The following HENMT1 variants were observed in gnomAD, a reference collection of about 807,000 sequenced individuals.
HENMT1 encodes HEN methyltransferase 1.
HENMT1 carries 27 observed loss-of-function variants against 31.1 expected under a neutral mutation model. That is an observed-to-expected ratio of 0.87 (90% CI 0.64 to 1.20). The LOEUF is 1.20. Among genes scored for constraint, HENMT1 ranks in the 50% most tolerant of loss-of-function variants. HENMT1 has a pLI of 0.00. For missense variants in HENMT1, 438 were observed against 469.6 expected (o/e 0.93, Z 0.62); for synonymous variants, 167 against 172.2 (o/e 0.97, Z 0.24).
rs1658015363 is a variant in HENMT1, at chr1:108,650,383, A to G, written c.584T>C (p.Leu195Ser). 3.7e-6 allele frequency: 6 copies of G among 1,609,566 alleles called. No individual in the cohort carries two copies. The East Asian group carries it at 1.3e-4, about 36-fold the overall frequency. ...GTAATCATAGCGATTTGCCACATAT[A>G]AAGCCCTGAAACCAAAACGAGGACA... ...WTRMEFQTWA[L>S]YVANRYDYSV... Residue 195 changes from leucine (L) to serine (S), a missense_variant, in exon 7 of 8, where the codon TTA (leucine) becomes TCA (serine). Physicochemically the swap from Leu to Ser is moderately radical, Grantham distance 145. Transcript: ENST00000651461.
At chr1:108,653,498 G>GT (rs1420991266) in intron 5 of HENMT1, among the ~76,000 whole-genome samples, 1 of 152,152 alleles carries the variant, frequency 6.6e-6, no homozygotes, top group Non-Finnish European at 1.5e-5. Context: ...TCTATTTTCA[G>GT]TTTTTTGAAA....
In HENMT1 at chr1:108,657,562, G is replaced by A. The variant is rs3203746; in HGVS notation, c.39C>T (p.Asp13=). The stretch of plus-strand genomic sequence containing the variant: ...CCCTGGGAACTTCTTCAAAATTACC[G>A]TCAACCACACTACTGCACTGAAGTT... ...ENNLQCSSVV[D]GNFEEVPRET... The change falls in exon 3 of 8, where the codon GAC becomes GAT. Residue 13 remains aspartate, a synonymous_variant. Coordinates refer to ENST00000651461, the MANE Select transcript of HENMT1 (RefSeq NM_001102592.2). 41 of 1,612,662 alleles carry A rather than the reference G, an allele frequency of 2.5e-5. No individual in the cohort carries two copies. The highest frequency in any genetic ancestry group is 2.2e-4 in the Admixed American group (13 of 59,900).
chr1:108,658,595 G>A (rs535033585), intron 2 of HENMT1, among the ~76,000 whole-genome samples: 13 of 152,310 alleles, frequency 8.5e-5, no homozygotes, highest in African/African-American at 3.1e-4. Flanking sequence ...CCAAACTTCA[G>A]TCAGGTTCCT....
intron 7 of HENMT1, 106 bp from the exon 8 acceptor site, chr1:108,649,097 T>C: frequency 1.2e-6 from 1 of 829,284 alleles, no homozygotes; most frequent in Non-Finnish European, 1.8e-6. Flanking sequence ...AATGTACATA[T>C]TGAATATATG....
intron 6 of HENMT1, 125 bp downstream of exon 6, chr1:108,650,905 T>C (rs140829367): frequency 9.1e-5 from 63 of 691,638 alleles, no homozygotes; most frequent in African/African-American, 4.7e-4. Flanking sequence ...AAGTCACACA[T>C]TGGAATCAAT....
intron 3 of HENMT1, 36 bp downstream of exon 3, chr1:108,657,415 C>G: frequency 6.6e-7 from 1 of 1,515,460 alleles, no homozygotes; most frequent in Non-Finnish European, 9.1e-7. Flanking sequence ...GTCTACTAGT[C>G]TTAATAATTA....
chr1:108,657,990 T>C (rs957580766), intron 2 of HENMT1, among the ~76,000 whole-genome samples: 84 of 140,122 alleles, frequency 6.0e-4, no homozygotes, highest in Non-Finnish European at 8.5e-4. Flanking sequence ...CACACATATA[T>C]ATACACACAC....
chr1:108,654,632 A>G (rs1658158001), intron 5 of HENMT1, 84 bp downstream of exon 5: 1 of 1,345,864 alleles, frequency 7.4e-7, no homozygotes, highest in African/African-American at 1.5e-5. Context: ...ATCAAGACCT[A>G]TTATATTTAG....
At chr1:108,657,629 A>C (rs899044713) in intron 2 of HENMT1, 50 bp from the exon 3 acceptor site, 2 of 1,562,182 alleles carry the variant, frequency 1.3e-6, no homozygotes, top group African/African-American at 2.8e-5. Context: ...GCATGACTTC[A>C]GAAATTAAAT....
At position 108,648,660 on chromosome 1, in the gene HENMT1, C is replaced by G. The variant is rs773615407; in HGVS notation, c.1088G>C (p.Arg363Thr). ...NRLCANEEMM[R>T]SVIADSIPLS... ...AGGAATTGAGTCAGCAATGACTGATCTCATCATCTCTTCATTAGCACATAA... is the reference window on the plus strand; with the variant it reads ...AGGAATTGAGTCAGCAATGACTGATGTCATCATCTCTTCATTAGCACATAA... The change falls in exon 8 of 8, where the codon AGA becomes ACA. Residue 363 changes from arginine to threonine, a missense_variant. Transcript: ENST00000651461. 1.4e-5 allele frequency: 22 copies of G among 1,614,052 alleles called. No individual in the cohort carries two copies. The highest frequency in any genetic ancestry group is 1.8e-5 in the Non-Finnish European group (21 of 1,180,024).
intron 5 of HENMT1, among the ~76,000 whole-genome samples, chr1:108,651,704 G>C (rs572410237): frequency 3.3e-4 from 49 of 146,608 alleles, no homozygotes; most frequent in African/African-American, 9.5e-4. Context: ...GAAAGAGAGA[G>C]AGACAGACAG....
intron 3 of HENMT1, 57 bp from the exon 4 acceptor site, chr1:108,655,755 A>G (rs1378948615): frequency 1.6e-6 from 2 of 1,237,198 alleles, no homozygotes; most frequent in African/African-American, 1.5e-5. Context: ...AAGTATGATC[A>G]AAAACTTTTT....
At chr1:108,651,816 A>G (rs966956527) in intron 5 of HENMT1, among the ~76,000 whole-genome samples, 1 of 151,814 alleles carries the variant, frequency 6.6e-6, no homozygotes, top group African/African-American at 2.4e-5. Flanking sequence ...CTACCCCCCA[A>G]CTCCATCTAT....
At chr1:108,656,078 A>G (rs1658231840) in intron 3 of HENMT1, among the ~76,000 whole-genome samples, 1 of 152,176 alleles carries the variant, frequency 6.6e-6, no homozygotes, top group African/African-American at 2.4e-5. Flanking sequence ...ATTTCAGCAA[A>G]CAAAGCTTTC....
At chr1:108,658,709 A>T (rs750037179) in intron 2 of HENMT1, among the ~76,000 whole-genome samples, 17 of 152,214 alleles carry the variant, frequency 1.1e-4, no homozygotes, top group Non-Finnish European at 2.4e-4. Context: ...TTTAGACAGA[A>T]TCTTCTACCC....
intron 6 of HENMT1, 101 bp from the exon 7 acceptor site, chr1:108,650,489 C>A: frequency 2.9e-6 from 3 of 1,021,488 alleles, no homozygotes; most frequent in Non-Finnish European, 4.3e-6. Flanking sequence ...ATGAAAAATA[C>A]AATGAACATA....
Position 108,650,394 on chromosome 1 carries a change from ACCAAAACG to A in HENMT1, c.579-14_579-7del. ...GATTTGCCACATATAAAGCCCTGAAACCAAAACGAGGACAGCAATCATTTTTCTAAATG... is the reference window on the plus strand; with the variant it reads ...GATTTGCCACATATAAAGCCCTGAAAAGGACAGCAATCATTTTTCTAAATG... On this transcript the variant is annotated splice_polypyrimidine_tract_variant and splice_region_variant and intron_variant, in intron 6 of 7. Transcript: ENST00000651461. The A allele has an allele frequency of 6.2e-7, 1 of 1,605,720 alleles. No individual in the cohort carries two copies. The highest frequency in any genetic ancestry group is 2.2e-5 in the East Asian group (1 of 44,828).
chr1:108,648,981 G>A lies in HENMT1; in HGVS notation c.767C>T (p.Thr256Ile), dbSNP rs1423059745. ...TTCCTGCTGTAAGCTTGGGTATGAG[G>A]TGGTAAAAACCTGAAGGGAAAAAAC... Reference protein sequence around the residue: ...DQHVYKAVFTTSYPSLQQERF... With the variant: ...DQHVYKAVFTISYPSLQQERF... The change falls in exon 8 of 8, where the codon ACC becomes ATC. Residue 256 changes from threonine to isoleucine, a missense_variant. Coordinates refer to ENST00000651461, the MANE Select transcript of HENMT1 (RefSeq NM_001102592.2). 3 of 1,588,454 alleles carry A rather than the reference G, an allele frequency of 1.9e-6. No individual in the cohort carries two copies. The highest frequency in any genetic ancestry group is 3.6e-5 in the Admixed American group (2 of 55,334).
intron 1 of HENMT1, among the ~76,000 whole-genome samples, chr1:108,660,652 C>T (rs542463261): frequency 1.0e-3 from 155 of 152,270 alleles, no homozygotes; most frequent in African/African-American, 3.4e-3. Context: ...TGGCCGGGCG[C>T]GGTGGCTCAC....
Sources: allele counts gnomAD v4.1 joint callset (sites outside exome capture counted in the v4.1 genomes callset), GRCh38; gene constraint gnomAD v4.1.1; transcripts MANE v1.5; gene names NCBI Gene and HGNC (gene_info 2026-07-23, HGNC 2026-07-21).